Variants in MAP2K5 observed in about 807,000 individuals in gnomAD.
MAP2K5 encodes mitogen-activated protein kinase kinase 5, also known as dual specificity mitogen-activated protein kinase kinase 5.
A neutral mutation model predicts 83.1 loss-of-function variants in MAP2K5; 49 were observed. The ratio of observed to expected loss-of-function variants is 0.59; its 90% confidence interval spans 0.47 to 0.75. MAP2K5 has a LOEUF of 0.75. Ranked by LOEUF, MAP2K5 falls within the 30% of genes least tolerant of loss-of-function variation. The pLI, the probability that MAP2K5 is intolerant of heterozygous loss-of-function variation, is 0.00. For synonymous variants in MAP2K5, 202 were observed against 191.8 expected, an observed-to-expected ratio of 1.05 and a Z score of -0.44; for missense variants, 457 against 557.5, an observed-to-expected ratio of 0.82 and a Z score of 1.82.
Position 67,552,131 on chromosome 15 carries a change from T to C in MAP2K5, c.184+2049T>C, listed in dbSNP as rs1348718638. Among the ~76,000 whole-genome samples the C allele has an allele frequency of 3.3e-5, 5 of 152,206 alleles. No individual in the cohort carries two copies. The East Asian group carries it at 7.7e-4, about 23-fold the overall frequency. ...ACTTTTTACTTTGTATGTTTCTCTA[T>C]TGTTTGAACATTTTTCAACAATCAT... On this transcript the variant is annotated intron_variant, in intron 2 of 21. Coordinates refer to ENST00000178640, the MANE Select transcript of MAP2K5 (RefSeq NM_145160.3). The surrounding 1 kb of genome is among the most constrained non-coding windows in gnomAD (Gnocchi z 4.2).
At chr15:67,554,883 A>G (rs541139252) in intron 2 of MAP2K5, among the ~76,000 whole-genome samples, 1 of 152,308 alleles carries the variant, frequency 6.6e-6, no homozygotes, top group South Asian at 2.1e-4. Flanking sequence ...GCGTTTTTGG[A>G]TTATTTGTGT....
chr15:67,615,881 C>T (rs1429895365), intron 8 of MAP2K5, among the ~76,000 whole-genome samples: 2 of 152,052 alleles, frequency 1.3e-5, no homozygotes, highest in East Asian at 1.9e-4. Context: ...AGCAGAGAAG[C>T]GTTCTGCATG....
At chr15:67,625,794 C>T (rs945582776) in intron 8 of MAP2K5, among the ~76,000 whole-genome samples, 1 of 152,158 alleles carries the variant, frequency 6.6e-6, no homozygotes, top group Non-Finnish European at 1.5e-5. Context: ...CAAACTTCCA[C>T]GGATGAATTA....
chr15:67,571,137 A>G (rs2084940124), intron 3 of MAP2K5, among the ~76,000 whole-genome samples: 2 of 152,198 alleles, frequency 1.3e-5, no homozygotes, highest in Non-Finnish European at 2.9e-5. Context: ...TGTGCTAGGC[A>G]CTATATGGCA....
intron 7 of MAP2K5, among the ~76,000 whole-genome samples, chr15:67,598,338 A>G (rs1333305646): frequency 6.6e-6 from 1 of 152,230 alleles, no homozygotes; most frequent in Admixed American, 6.5e-5. Flanking sequence ...ACTAAGTGAC[A>G]TGGTTCCAGA....
intron 7 of MAP2K5, among the ~76,000 whole-genome samples, chr15:67,593,594 A>G (rs1430385995): frequency 6.6e-6 from 1 of 152,224 alleles, no homozygotes; most frequent in Non-Finnish European, 1.5e-5. Flanking sequence ...TGGTAAATTA[A>G]GCTACCTACA....
Position 67,552,700 on chromosome 15 carries a change from G to C in MAP2K5, c.184+2618G>C, listed in dbSNP as rs2084537067. Reference sequence around the variant, plus strand: ...GATAGTCCCATCTTGGCCTTTCAAAGTGCTGGGATTACAGGTGTGAGCCAC... The same window carrying C: ...GATAGTCCCATCTTGGCCTTTCAAACTGCTGGGATTACAGGTGTGAGCCAC... On this transcript the variant is annotated intron_variant, in intron 2 of 21. Transcript: ENST00000178640. The surrounding 1 kb of genome is among the most constrained non-coding windows in gnomAD (Gnocchi z 4.2). Among the ~76,000 whole-genome samples the C allele has an allele frequency of 6.6e-6, 1 of 152,146 alleles. No individual in the cohort carries two copies. The highest frequency in any genetic ancestry group is 1.5e-5 in the Non-Finnish European group (1 of 68,034).
intron 11 of MAP2K5, among the ~76,000 whole-genome samples, chr15:67,656,042 A>T (rs1349154666): frequency 6.6e-6 from 1 of 152,132 alleles, no homozygotes; most frequent in Non-Finnish European, 1.5e-5. Flanking sequence ...TATACTTTTC[A>T]ACTTCAGAAT....
intron 19 of MAP2K5, among the ~76,000 whole-genome samples, chr15:67,756,986 A>G (rs2089852384): frequency 6.6e-6 from 1 of 152,088 alleles, no homozygotes; most frequent in Non-Finnish European, 1.5e-5. Flanking sequence ...GCTATTGTGA[A>G]TAATGCTGCA....
chr15:67,563,375 A>AT lies in MAP2K5; in HGVS notation c.252+31dup. ...TGTAAGTATACGACAAATGAAGACT[A>AT]TTTTTTAAAATCTTAACGTGATTGA... On this transcript the variant is annotated intron_variant, in intron 3 of 21. Coordinates refer to ENST00000178640, the MANE Select transcript of MAP2K5 (RefSeq NM_145160.3). This position sits in a 1 kb window ranked among gnomAD's most constrained non-coding sequence, Gnocchi z 4.5. 1 of 1,598,190 alleles carries AT rather than the reference A, an allele frequency of 6.3e-7. No individual in the cohort carries two copies. The highest frequency in any genetic ancestry group is 8.5e-7 in the Non-Finnish European group (1 of 1,173,844).
Position 67,790,039 on chromosome 15 carries a change from A to T in MAP2K5, c.1243-16607A>T, listed in dbSNP as rs1234258184. 6.6e-6 allele frequency among the ~76,000 whole-genome samples: 1 copy of T among 152,206 alleles called. No homozygotes were observed. Among genetic ancestry groups the T allele is most frequent in the Non-Finnish European group, 1.5e-5 (1 of 68,030 alleles). On this transcript the variant is annotated intron_variant, in intron 21 of 21. Transcript: ENST00000178640. This position sits in a 1 kb window ranked among gnomAD's most constrained non-coding sequence, Gnocchi z 4.6. ...AAGCAACATTGAGGTTGAATAGCCA[A>T]TAGCTGGGGGTAAACTACAAGAGAG... is the stretch of plus-strand genomic sequence containing the variant.
intron 13 of MAP2K5, among the ~76,000 whole-genome samples, chr15:67,672,349 G>A (rs1378047330): frequency 4.6e-5 from 7 of 151,732 alleles, no homozygotes; most frequent in East Asian, 1.9e-4. Flanking sequence ...TTTAATGATC[G>A]CCATTCTAAC....
chr15:67,543,277 T>C lies in MAP2K5; in HGVS notation c.-59T>C. Reference sequence around the variant, plus strand: ...CCCCTTGTCACCTCTTGGAGCCCCCTCCTAACCAGCGGCCAGTGGGTTTCC... The same window carrying C: ...CCCCTTGTCACCTCTTGGAGCCCCCCCCTAACCAGCGGCCAGTGGGTTTCC... On this transcript the variant is annotated 5_prime_UTR_variant, in exon 1 of 22. Coordinates refer to ENST00000178640, the MANE Select transcript of MAP2K5 (RefSeq NM_145160.3). The surrounding 1 kb of genome is among the most constrained non-coding windows in gnomAD (Gnocchi z 4.3). The C allele has an allele frequency of 1.3e-6, 2 of 1,593,170 alleles. No homozygotes were observed. The highest frequency in any genetic ancestry group is 1.7e-6 in the Non-Finnish European group (2 of 1,164,606).
intron 19 of MAP2K5, among the ~76,000 whole-genome samples, chr15:67,754,035 G>T (rs1292391258): frequency 6.6e-6 from 1 of 152,166 alleles, no homozygotes; most frequent in Non-Finnish European, 1.5e-5. Context: ...CATGCTAAAT[G>T]AAAGAAACCA....
intron 9 of MAP2K5, among the ~76,000 whole-genome samples, chr15:67,645,663 C>T (rs1012751784): frequency 6.6e-6 from 1 of 152,052 alleles, no homozygotes; most frequent in South Asian, 2.1e-4. Flanking sequence ...AAGTGATCCT[C>T]CCACCTCAGC....
At chr15:67,713,222 A>G (rs190978719) in intron 16 of MAP2K5, among the ~76,000 whole-genome samples, 302 of 152,294 alleles carry the variant, frequency 2.0e-3, no homozygotes, top group Non-Finnish European at 3.6e-3. Flanking sequence ...AAATTTTCCC[A>G]AGGAAAATTT....
At position 67,656,619 on chromosome 15, in the gene MAP2K5, G is replaced by A. The variant is rs1480388586; in HGVS notation, c.737-1934G>A. On this transcript the variant is annotated intron_variant, in intron 11 of 21. Coordinates refer to ENST00000178640, the MANE Select transcript of MAP2K5 (RefSeq NM_145160.3). Reference sequence around the variant, plus strand: ...GCTGGGATTACAGGTGTGAGCCATCGTGCCTGGCCACCTTTTAAATCTTTA... The same window carrying A: ...GCTGGGATTACAGGTGTGAGCCATCATGCCTGGCCACCTTTTAAATCTTTA... Among the ~76,000 whole-genome samples the A allele has an allele frequency of 5.9e-5, 9 of 152,108 alleles. No individual in the cohort carries two copies. In the South Asian group the frequency reaches 8.3e-4, roughly 14 times the overall value.
At chr15:67,733,928 T>G (rs768754457) in intron 17 of MAP2K5, among the ~76,000 whole-genome samples, 1 of 152,230 alleles carries the variant, frequency 6.6e-6, no homozygotes, top group African/African-American at 2.4e-5. Flanking sequence ...ATACTACATA[T>G]CAAAGTATGA....
Position 67,769,553 on chromosome 15 carries a change from G to C in MAP2K5, c.1135-49G>C. On this transcript the variant is annotated intron_variant, in intron 19 of 21. Coordinates refer to ENST00000178640, the MANE Select transcript of MAP2K5 (RefSeq NM_145160.3). This position sits in a 1 kb window ranked among gnomAD's most constrained non-coding sequence, Gnocchi z 5.2. Reference sequence around the variant, plus strand: ...TGGGTGGGTGGGGAATATAAAGAAAGAGAAGGAACTGTTGTGACTTTTGGT... The same window carrying C: ...TGGGTGGGTGGGGAATATAAAGAAACAGAAGGAACTGTTGTGACTTTTGGT... The C allele has an allele frequency of 6.4e-7, 1 of 1,561,084 alleles. No homozygotes were observed. The highest frequency in any genetic ancestry group is 8.8e-7 in the Non-Finnish European group (1 of 1,132,330).
Sources: gnomAD v4.1 joint callset for allele counts (sites outside exome capture counted in the v4.1 genomes callset) on GRCh38, gnomAD v4.1.1 for gene constraint, Gnocchi (gnomAD v3.1) non-coding constraint, MANE v1.5 for transcripts, NCBI Gene and HGNC (gene_info 2026-07-23, HGNC 2026-07-21) for gene names.